PSMA3: variants seen among roughly 807,000 people sequenced by gnomAD.
The protein encoded by PSMA3 is proteasome 20S subunit alpha 3.
In PSMA3, 8 loss-of-function variants were observed where a neutral mutation model predicts 40.0. The observed-to-expected ratio is 0.20, with a 90% CI of 0.12 to 0.36. PSMA3 has a LOEUF of 0.36. Ranked by LOEUF, PSMA3 falls within the 10% of genes least tolerant of loss-of-function variation. The probability of loss-of-function intolerance (pLI) is 1.00; values close to 1 mark genes in which losing one functional copy is unlikely to be tolerated. For missense variants in PSMA3, 219 were observed against 310.6 expected (o/e 0.70, Z 2.22); for synonymous variants, 110 against 100.0 (o/e 1.10, Z -0.59).
At chr14:58,246,523 C>T (rs536661421) in intron 1 of PSMA3, among the ~76,000 whole-genome samples, 2 of 152,062 alleles carry the variant, frequency 1.3e-5, no homozygotes, top group Non-Finnish European at 2.9e-5. Context: ...CTCAGCCTCC[C>T]GAAGAGCTGG....
intron 6 of PSMA3, among the ~76,000 whole-genome samples, chr14:58,261,896 G>A (rs746706809): frequency 7.9e-5 from 12 of 151,932 alleles, no homozygotes; most frequent in African/African-American, 2.2e-4. Context: ...GACTACAGGC[G>A]TGAGCATCGA....
intron 2 of PSMA3, 56 bp downstream of exon 2, chr14:58,247,888 C>T (rs1418542911): frequency 7.3e-6 from 9 of 1,233,604 alleles, no homozygotes; most frequent in South Asian, 1.4e-5. Context: ...ATATTTTTGG[C>T]GATTAGGCTT....
At chr14:58,250,251 C>CAAAAAAAAAAA (rs1889980054) in intron 2 of PSMA3, among the ~76,000 whole-genome samples, 2 of 140,810 alleles carry the variant, frequency 1.4e-5, no homozygotes, top group African/African-American at 2.6e-5. Flanking sequence ...GACAGAGTTT[C>CAAAAAAAAAAA]AAAATGTTGG....
chr14:58,263,726 G>T lies in PSMA3; in HGVS notation c.499G>T (p.Gly167Cys). 6.2e-7 allele frequency: 1 copy of T among 1,613,492 alleles called. No homozygotes were observed. Among genetic ancestry groups the T allele is most frequent in the South Asian group, 1.1e-5 (1 of 91,030 alleles). ...ATAGGGTTATTGGGGCTGTGCCATC[G>T]GCAAAGCCAGGCAAGCTGCAAAGAC... ...VSYGYWGCAI[G>C]KARQAAKTEI... The change falls in exon 7 of 11, where the codon GGC becomes TGC. Residue 167 changes from glycine to cysteine, a missense_variant. Transcript: ENST00000216455.
At chr14:58,264,913 T>G (rs780440877) in intron 7 of PSMA3, 6 of 152,246 alleles carry the variant, frequency 3.9e-5, no homozygotes, top group African/African-American at 1.4e-4. Context: ...TCCTATCTTC[T>G]ACTCTTTTCC....
chr14:58,257,798 A>G lies in PSMA3; in HGVS notation c.282A>G (p.Glu94=), dbSNP rs1163821348. Residue 94 remains glutamate (E), a synonymous_variant, in exon 4 of 11, where the codon GAA becomes GAG. Transcript: ENST00000216455. ...GTTCTTTAGCAGACATAGCAAGAGA[A>G]GAAGCTTCCAACTTCAGATCTAACT... ...DARSLADIAR[E]EASNFRSNFG... 1.2e-6 allele frequency: 2 copies of G among 1,613,732 alleles called. No individual in the cohort carries two copies. The highest frequency in any genetic ancestry group is 1.7e-6 in the Non-Finnish European group (2 of 1,179,712).
At position 58,261,148 on chromosome 14, in the gene PSMA3, T is replaced by C. The variant is rs971441661; in HGVS notation, c.477+128T>C. The C allele has an allele frequency of 1.3e-5, 9 of 709,480 alleles. No homozygotes were observed. In the African/African-American group the frequency reaches 1.7e-4, roughly 13 times the overall value. 43.9% of individuals were successfully genotyped at this position (709,480 alleles called of 1,614,324 possible). A position where few individuals can be genotyped will look rare whatever the true frequency, so the allele number is the denominator to read the frequency against. ...TCAAGGAAAGTAATTTTTCTTTTTT[T>C]TTTTTTTACAACAACCTCTTGTCCA... On this transcript the variant is annotated intron_variant, in intron 6 of 10. Coordinates refer to ENST00000216455, the MANE Select transcript of PSMA3 (RefSeq NM_002788.4).
At chr14:58,249,166 G>A (rs1889944582) in intron 2 of PSMA3, among the ~76,000 whole-genome samples, 2 of 151,890 alleles carry the variant, frequency 1.3e-5, no homozygotes. Flanking sequence ...CTCCATGTTG[G>A]TCAGGCTGGT....
intron 5 of PSMA3, among the ~76,000 whole-genome samples, 174 bp from the exon 6 acceptor site, chr14:58,260,774 A>G (rs1004049942): frequency 1.3e-5 from 2 of 152,262 alleles, no homozygotes; most frequent in Non-Finnish European, 2.9e-5. Flanking sequence ...ATTTTGAATA[A>G]TCTCATGTAA....
chr14:58,244,896 T>TA lies in PSMA3; in HGVS notation c.-24dup. On this transcript the variant is annotated 5_prime_UTR_variant, in exon 1 of 11. Coordinates refer to ENST00000216455, the MANE Select transcript of PSMA3 (RefSeq NM_002788.4). ...GGAAGCGCTCCGGGCCTGGAATCCC[T>TA]ACGCGTCCCTTTGGGTTTAGCACGA... The TA allele has an allele frequency of 6.2e-7, 1 of 1,614,210 alleles. No homozygotes were observed. The highest frequency in any genetic ancestry group is 8.5e-7 in the Non-Finnish European group (1 of 1,180,014).
chr14:58,265,542 A>T (rs1402577058), intron 7 of PSMA3: 7 of 152,160 alleles, frequency 4.6e-5, no homozygotes. Flanking sequence ...TAACATTTGG[A>T]ACAGGGAACA....
intron 1 of PSMA3, chr14:58,245,155 AG>A: frequency 1.7e-6 from 1 of 593,166 alleles, no homozygotes; most frequent in Admixed American, 2.9e-5. Context: ...TTTTCAGCGC[AG>A]GTGTAGCCGG....
chr14:58,262,384 T>C (rs1890307611), intron 6 of PSMA3, among the ~76,000 whole-genome samples: 2 of 152,148 alleles, frequency 1.3e-5, no homozygotes, highest in African/African-American at 4.8e-5. Context: ...TTTTGTATTT[T>C]CAGTAGAGAC....
At position 58,244,886 on chromosome 14, in the gene PSMA3, C is replaced by T. The variant is rs781137009; in HGVS notation, c.-35C>T. 2.5e-6 allele frequency: 4 copies of T among 1,614,170 alleles called. No homozygotes were observed. Among genetic ancestry groups the T allele is most frequent in the Admixed American group, 1.7e-5 (1 of 60,024 alleles). On this transcript the variant is annotated 5_prime_UTR_variant, in exon 1 of 11. Transcript: ENST00000216455. The stretch of plus-strand genomic sequence containing the variant: ...GTGGTATAGGGGAAGCGCTCCGGGC[C>T]TGGAATCCCTACGCGTCCCTTTGGG...
chr14:58,267,347 G>C (rs532501044), intron 7 of PSMA3, 127 bp from the exon 8 acceptor site: 4 of 1,242,202 alleles, frequency 3.2e-6, no homozygotes, highest in South Asian at 2.9e-5. Context: ...AGGAAACTTC[G>C]ATTCTGGTCT....
At chr14:58,261,175 C>A in intron 6 of PSMA3, among the ~76,000 whole-genome samples, 155 bp downstream of exon 6, 2 of 129,218 alleles carry the variant, frequency 1.5e-5, no homozygotes, top group South Asian at 2.6e-4. Flanking sequence ...TCTTGTCCAA[C>A]AGAATTTTTT....
chr14:58,264,417 A>C (rs768909479), intron 7 of PSMA3, among the ~76,000 whole-genome samples: 46 of 152,310 alleles, frequency 3.0e-4, no homozygotes, highest in Non-Finnish European at 6.2e-4. Flanking sequence ...AGTGTGAAAA[A>C]GTTTTCTTAA....
chr14:58,251,608 G>A (rs1364596136), intron 2 of PSMA3, among the ~76,000 whole-genome samples: 2 of 152,164 alleles, frequency 1.3e-5, no homozygotes, highest in African/African-American at 4.8e-5. Flanking sequence ...AACAGTTGTA[G>A]CAGAACATAT....
chr14:58,269,851 CT>C (rs1001327067), intron 8 of PSMA3: 29 of 146,548 alleles, frequency 2.0e-4, no homozygotes, highest in South Asian at 4.4e-4. Flanking sequence ...ATAGTTGTAT[CT>C]TTTTTTTTTT....
Sources: gnomAD v4.1 joint callset for allele counts (sites outside exome capture counted in the v4.1 genomes callset) on GRCh38, gnomAD v4.1.1 for gene constraint, MANE v1.5 for transcripts, NCBI Gene and HGNC (gene_info 2026-07-23, HGNC 2026-07-21) for gene names.